Variants in ARRDC4 observed in about 807,000 individuals in gnomAD.
ARRDC4 encodes the protein arrestin domain-containing protein 4.
ARRDC4 carries 40 observed loss-of-function variants against 44.6 expected under a neutral mutation model. That is an observed-to-expected ratio of 0.90 (90% CI 0.70 to 1.17). ARRDC4 has a LOEUF of 1.17. Among genes scored for constraint, ARRDC4 ranks in the 50% most tolerant of loss-of-function variants. ARRDC4 has a pLI of 0.00. For synonymous variants in ARRDC4, 211 were observed against 221.2 expected (o/e 0.95, Z 0.41); for missense variants, 550 against 559.1 (o/e 0.98, Z 0.16).
At chr15:97,963,515 T>C (rs918982969) in intron 1 of ARRDC4, among the ~76,000 whole-genome samples, 2 of 152,228 alleles carry the variant, frequency 1.3e-5, no homozygotes, top group Admixed American at 1.3e-4. Context: ...TTCAGTATCC[T>C]GGGCAACTGT....
chr15:97,971,298 T>C lies in ARRDC4; in HGVS notation c.*111T>C. 2.7e-6 allele frequency: 3 copies of C among 1,112,412 alleles called. No individual in the cohort carries two copies. In the South Asian group the frequency reaches 4.1e-5, roughly 15 times the overall value. 68.9% of individuals were successfully genotyped at this position (1,112,412 alleles called of 1,614,324 possible). ...ATTCACTTGAAAACATAAATGAACGTCAAGACTGAAGGCAATAGAAATTAA... is the reference window on the plus strand; with the variant it reads ...ATTCACTTGAAAACATAAATGAACGCCAAGACTGAAGGCAATAGAAATTAA... On this transcript the variant is annotated 3_prime_UTR_variant, in exon 8 of 8. Coordinates refer to ENST00000268042, the MANE Select transcript of ARRDC4 (RefSeq NM_183376.3).
Position 97,965,332 on chromosome 15 carries a change from T to C in ARRDC4, c.308-268T>C, listed in dbSNP as rs2141533628. Among the ~76,000 whole-genome samples, 1 of 151,890 alleles carries C rather than the reference T, an allele frequency of 6.6e-6. No individual in the cohort carries two copies. The highest frequency in any genetic ancestry group is 1.9e-4 in the East Asian group (1 of 5,148). On this transcript the variant is annotated intron_variant, in intron 1 of 7. Coordinates refer to ENST00000268042, the MANE Select transcript of ARRDC4 (RefSeq NM_183376.3). This position sits in a 1 kb window ranked among gnomAD's most constrained non-coding sequence, Gnocchi z 5.1. Reference sequence around the variant, plus strand: ...GCATATAGTCCCAGCTCCTTGGGAGTCTGAGGCAGGAAGATTGCTTGAGCC... The same window carrying C: ...GCATATAGTCCCAGCTCCTTGGGAGCCTGAGGCAGGAAGATTGCTTGAGCC...
rs917973410 is a variant in ARRDC4 at position 97,970,624 on chromosome 15, G to A, written c.1081G>A (p.Glu361Lys). The change falls in exon 7 of 8, where the codon GAA becomes AAA. Residue 361 changes from glutamate to lysine, a missense_variant. Physicochemically the swap from Glu to Lys is moderately conservative, Grantham distance 56. Coordinates refer to ENST00000268042, the MANE Select transcript of ARRDC4 (RefSeq NM_183376.3). This position sits in a 1 kb window ranked among gnomAD's most constrained non-coding sequence, Gnocchi z 4.2. Reference protein sequence around the residue: ...PNYADVVSEEEFSRHIPPYPQ... With the variant: ...PNYADVVSEEKFSRHIPPYPQ... The stretch of plus-strand genomic sequence containing the variant: ...TTATGCAGATGTGGTATCAGAGGAA[G>A]AATTCTCTAGACACATTCCTCCTTA... 5.6e-6 allele frequency: 9 copies of A among 1,613,118 alleles called. No individual in the cohort carries two copies. The African/African-American group carries it at 9.3e-5, about 17-fold the overall frequency.
In ARRDC4 at chr15:97,967,641, T is replaced by A. The variant is rs538902863; in HGVS notation, c.523-373T>A. On this transcript the variant is annotated intron_variant, in intron 3 of 7. Coordinates refer to ENST00000268042, the MANE Select transcript of ARRDC4 (RefSeq NM_183376.3). The surrounding 1 kb of genome is among the most constrained non-coding windows in gnomAD (Gnocchi z 5.0). Reference sequence around the variant, plus strand: ...TTTTTTATTTTTATATCATTTATCCTTCCACCTGACTTTTATATATAAAGT... The same window carrying A: ...TTTTTTATTTTTATATCATTTATCCATCCACCTGACTTTTATATATAAAGT... Among the ~76,000 whole-genome samples, 1 of 152,316 alleles carries A rather than the reference T, an allele frequency of 6.6e-6. No homozygotes were observed. Among genetic ancestry groups the A allele is most frequent in the East Asian group, 1.9e-4 (1 of 5,190 alleles).
Position 97,970,325 on chromosome 15 carries a change from G to C in ARRDC4, c.1046-264G>C, listed in dbSNP as rs1899487313. 6.6e-6 allele frequency among the ~76,000 whole-genome samples: 1 copy of C among 151,988 alleles called. No individual in the cohort carries two copies. Among genetic ancestry groups the C allele is most frequent in the Admixed American group, 6.6e-5 (1 of 15,252 alleles). ...AACAATGAAAAACAGTCAAATGTATGGTGTGTTATGTCTTTTCTATAGTCA... is the reference window on the plus strand; with the variant it reads ...AACAATGAAAAACAGTCAAATGTATCGTGTGTTATGTCTTTTCTATAGTCA... On this transcript the variant is annotated intron_variant, in intron 6 of 7. Coordinates refer to ENST00000268042, the MANE Select transcript of ARRDC4 (RefSeq NM_183376.3). The surrounding 1 kb of genome is among the most constrained non-coding windows in gnomAD (Gnocchi z 4.2).
chr15:97,971,045 T>A, intron 7 of ARRDC4, 86 bp from the exon 8 acceptor site: 1 of 1,437,810 alleles, frequency 7.0e-7, no homozygotes, highest in Non-Finnish European at 9.8e-7. Context: ...CAGCTTGGCA[T>A]ATAACCATCA....
Position 97,971,491 on chromosome 15 carries a change from GAGAA to G in ARRDC4, c.*307_*310del. On this transcript the variant is annotated 3_prime_UTR_variant, in exon 8 of 8. Coordinates refer to ENST00000268042, the MANE Select transcript of ARRDC4 (RefSeq NM_183376.3). ...TGAAAGGGTGCCTGCGCTGACGTGA[GAGAA>G]AGGAATCTGTAAACAGTGGAAACAC... is the stretch of plus-strand genomic sequence containing the variant. 2.8e-6 allele frequency: 1 copy of G among 354,124 alleles called. No individual in the cohort carries two copies. The highest frequency in any genetic ancestry group is 4.4e-5 in the Admixed American group (1 of 22,744). The allele number at this position is 354,124 out of a possible 1,614,324, so 21.9% of individuals were successfully genotyped here. A position where few individuals can be genotyped will look rare whatever the true frequency, so the allele number is the denominator to read the frequency against.
In ARRDC4 at chr15:97,971,264, A is replaced by T; in HGVS notation, c.*77A>T. The T allele has an allele frequency of 7.4e-7, 1 of 1,359,428 alleles. No homozygotes were observed. The highest frequency in any genetic ancestry group is 1.0e-6 in the Non-Finnish European group (1 of 953,386). 84.2% of individuals were successfully genotyped at this position (1,359,428 alleles called of 1,614,324 possible). ...TTCCTTCTGCCTTTTTGGGAAAGAG[A>T]CAGGAAAGATTCACTTGAAAACATA... On this transcript the variant is annotated 3_prime_UTR_variant, in exon 8 of 8. Transcript: ENST00000268042.
rs1899443568 is a variant in ARRDC4 at position 97,967,864 on chromosome 15, G to A, written c.523-150G>A. The A allele has an allele frequency of 2.2e-6, 1 of 446,316 alleles. No homozygotes were observed. The highest frequency in any genetic ancestry group is 6.0e-5 in the South Asian group (1 of 16,596). The allele number at this position is 446,316 out of a possible 1,614,324, so 27.6% of individuals were successfully genotyped here. On this transcript the variant is annotated intron_variant, in intron 3 of 7. Coordinates refer to ENST00000268042, the MANE Select transcript of ARRDC4 (RefSeq NM_183376.3). This position sits in a 1 kb window ranked among gnomAD's most constrained non-coding sequence, Gnocchi z 5.0. ...ACACCCTGTGTTTTTGTGCATATTT[G>A]GCCTAATATGTTACATGAGGATAAG...
chr15:97,962,817 C>T (rs775705084), intron 1 of ARRDC4, among the ~76,000 whole-genome samples: 39 of 152,166 alleles, frequency 2.6e-4, no homozygotes, highest in Non-Finnish European at 5.1e-4. Flanking sequence ...AGCATCTTTA[C>T]ACAGTCTAGA....
intron 1 of ARRDC4, 78 bp downstream of exon 1, chr15:97,961,246 G>A (rs1297988937): frequency 2.4e-6 from 3 of 1,265,576 alleles, no homozygotes; most frequent in Non-Finnish European, 3.0e-6. Flanking sequence ...CGCACCCTCG[G>A]GATGCCCACC....
intron 4 of ARRDC4, 92 bp from the exon 5 acceptor site, chr15:97,969,031 G>A: frequency 7.6e-7 from 1 of 1,319,636 alleles, no homozygotes; most frequent in South Asian, 1.4e-5. Context: ...TTAAAGTGAT[G>A]TTGGAACATT....
Position 97,965,770 on chromosome 15 carries a change from C to A in ARRDC4, c.374+104C>A, listed in dbSNP as rs1899408368. On this transcript the variant is annotated intron_variant, in intron 2 of 7. Coordinates refer to ENST00000268042, the MANE Select transcript of ARRDC4 (RefSeq NM_183376.3). This position sits in a 1 kb window ranked among gnomAD's most constrained non-coding sequence, Gnocchi z 5.1. Reference sequence around the variant, plus strand: ...TGATTCTCAAGTATGCATGTTTACACTGAATAGTCCCTAAATAGACTTACT... The same window carrying A: ...TGATTCTCAAGTATGCATGTTTACAATGAATAGTCCCTAAATAGACTTACT... 4 of 1,480,840 alleles carry A rather than the reference C, an allele frequency of 2.7e-6. No individual in the cohort carries two copies. The highest frequency in any genetic ancestry group is 3.8e-6 in the Non-Finnish European group (4 of 1,064,146). 91.7% of individuals were successfully genotyped at this position (1,480,840 alleles called of 1,614,324 possible). A position where few individuals can be genotyped will look rare whatever the true frequency, so the allele number is the denominator to read the frequency against.
intron 1 of ARRDC4, among the ~76,000 whole-genome samples, chr15:97,961,804 TCCTACCCG>T (rs1342074766): frequency 5.3e-5 from 8 of 152,084 alleles, no homozygotes; most frequent in African/African-American, 1.7e-4. Context: ...CCTCCTCCCC[TCCTACCCG>T]CTTCTTCCCC....
chr15:97,969,802 A>G, intron 5 of ARRDC4, 81 bp from the exon 6 acceptor site: 1 of 1,317,428 alleles, frequency 7.6e-7, no homozygotes, highest in Non-Finnish European at 1.0e-6. Context: ...TCTATGAAAA[A>G]AAGAAATTAA....
rs111282528 is a variant in ARRDC4, at chr15:97,969,141, A to G, written c.644A>G (p.Tyr215Cys). The G allele has an allele frequency of 1.1e-5, 17 of 1,613,668 alleles. No homozygotes were observed. The African/African-American group carries it at 1.7e-4, about 16-fold the overall frequency. ...GYCNGEAIPI[Y>C]AEIENCSSRL... ...TTTTTAGGAGAAGCTATTCCAATCT[A>G]TGCAGAAATAGAAAATTGTTCCTCT... is the stretch of plus-strand genomic sequence containing the variant. The change falls in exon 5 of 8, where the codon TAT (tyrosine) becomes TGT (cysteine). Residue 215 changes from tyrosine (Y) to cysteine (C), a missense_variant. Transcript: ENST00000268042.
chr15:97,960,727 C>T lies in ARRDC4; in HGVS notation c.-135C>T. 5.4e-6 allele frequency: 4 copies of T among 737,886 alleles called. No individual in the cohort carries two copies. Among genetic ancestry groups the T allele is most frequent in the Non-Finnish European group, 7.5e-6 (4 of 536,540 alleles). The allele number at this position is 737,886 out of a possible 1,614,324, so 45.7% of individuals were successfully genotyped here. On this transcript the variant is annotated 5_prime_UTR_variant, in exon 1 of 8. Transcript: ENST00000268042. ...CGACAGGCCTCTCGGCGAGCCGGTG[C>T]CCCATCGGGTACCGCACGGCTGCCG... is the stretch of plus-strand genomic sequence containing the variant.
Position 97,969,374 on chromosome 15 carries a change from T to C in ARRDC4, c.877T>C (p.Leu293=). ...DCCIIRVDYS[L]AVYIHIPGAK... Reference sequence around the variant, plus strand: ...CTGCATTATCAGAGTGGACTATTCCTTAGCTGTAAGCAAAGCTCTTTTTTA... The same window carrying C: ...CTGCATTATCAGAGTGGACTATTCCCTAGCTGTAAGCAAAGCTCTTTTTTA... The change falls in exon 5 of 8, where the codon TTA becomes CTA. Residue 293 remains leucine (L), a synonymous_variant. Coordinates refer to ENST00000268042, the MANE Select transcript of ARRDC4 (RefSeq NM_183376.3). The C allele has an allele frequency of 6.2e-7, 1 of 1,603,916 alleles. No individual in the cohort carries two copies. Among genetic ancestry groups the C allele is most frequent in the Non-Finnish European group, 8.5e-7 (1 of 1,177,302 alleles).
In ARRDC4 at chr15:97,961,057, G is replaced by T; in HGVS notation, c.196G>T (p.Ala66Ser). Residue 66 changes from alanine to serine, a missense_variant, in exon 1 of 8, where the codon GCC (alanine) becomes TCC (serine). Coordinates refer to ENST00000268042, the MANE Select transcript of ARRDC4 (RefSeq NM_183376.3). ...RLEAQGRATA[A>S]WGPSTCPRAS... ...GGAGGCCCAGGGGCGCGCCACCGCC[G>T]CCTGGGGCCCGAGCACCTGCCCCCG... 7.0e-7 allele frequency: 1 copy of T among 1,425,824 alleles called. No individual in the cohort carries two copies. Among genetic ancestry groups the T allele is most frequent in the Non-Finnish European group, 9.1e-7 (1 of 1,095,134 alleles). The allele number at this position is 1,425,824 out of a possible 1,614,324, so 88.3% of individuals were successfully genotyped here.
Sources: gnomAD v4.1 joint callset for allele counts (sites outside exome capture counted in the v4.1 genomes callset) on GRCh38, gnomAD v4.1.1 for gene constraint, Gnocchi (gnomAD v3.1) non-coding constraint, MANE v1.5 for transcripts, NCBI Gene and HGNC (gene_info 2026-07-23, HGNC 2026-07-21) for gene names.